Variants in TNFRSF8 observed in about 807,000 individuals in gnomAD.
TNFRSF8 encodes tumor necrosis factor receptor superfamily member 8.
A neutral mutation model predicts 70.8 loss-of-function variants in TNFRSF8; 26 were observed. The ratio of observed to expected loss-of-function variants is 0.37; its 90% confidence interval spans 0.27 to 0.51. TNFRSF8 has a LOEUF of 0.51. TNFRSF8 is among the 20% of genes least tolerant of loss of function. TNFRSF8 has a pLI of 0.94. For synonymous variants in TNFRSF8, 356 were observed against 339.2 expected (o/e 1.05, Z -0.54); for missense variants, 720 against 807.9 (o/e 0.89, Z 1.32).
chr1:12,111,814 G>A, intron 6 of TNFRSF8, 84 bp from the exon 7 acceptor site: 1 of 1,131,164 alleles, frequency 8.8e-7, no homozygotes, highest in South Asian at 1.2e-5. Context: ...GCCACGGTGA[G>A]GGATGGGGGG....
chr1:12,135,543 G>GGGGGGCC, intron 12 of TNFRSF8, 45 bp from the exon 13 acceptor site: 1 of 1,607,982 alleles, frequency 6.2e-7, no homozygotes. Context: ...TGGGGCCGGG[G>GGGGGGCC]GCTGCCAGAC....
chr1:12,133,436 A>G (rs1642087639), intron 12 of TNFRSF8, among the ~76,000 whole-genome samples: 1 of 151,954 alleles, frequency 6.6e-6, no homozygotes, highest in Non-Finnish European at 1.5e-5. Flanking sequence ...AGTTTCACTG[A>G]CGTCATTGAA....
rs1642184785 is a variant in TNFRSF8 at position 12,138,253 on chromosome 1, A to G, written c.1360A>G (p.Thr454Ala). ...GCAGCTGAGGAGTGGTGCGTCGGTG[A>G]CAGAACCCGTCGCGGAAGAGCGAGG... Reference protein sequence around the residue: ...STQLRSGASVTEPVAEERGLM... With the variant: ...STQLRSGASVAEPVAEERGLM... Residue 454 changes from threonine (T) to alanine (A), a missense_variant, in exon 14 of 15, where the codon ACA becomes GCA. Coordinates refer to ENST00000263932, the MANE Select transcript of TNFRSF8 (RefSeq NM_001243.5). The surrounding 1 kb of genome is among the most constrained non-coding windows in gnomAD (Gnocchi z 5.7). The G allele has an allele frequency of 6.2e-7, 1 of 1,613,518 alleles. No homozygotes were observed. The highest frequency in any genetic ancestry group is 8.5e-7 in the Non-Finnish European group (1 of 1,179,910).
At chr1:12,121,626 A>G (rs189580378) in intron 8 of TNFRSF8, among the ~76,000 whole-genome samples, 3 of 152,334 alleles carry the variant, frequency 2.0e-5, no homozygotes, top group Admixed American at 1.3e-4. Context: ...GGCTCTCTCC[A>G]TCTGTAAAAC....
intron 12 of TNFRSF8, among the ~76,000 whole-genome samples, chr1:12,129,698 G>T (rs1642011565): frequency 6.6e-6 from 1 of 152,138 alleles, no homozygotes; most frequent in Admixed American, 6.5e-5. Flanking sequence ...AATGATGCTG[G>T]CCTCTTCTCT....
rs1222186350 is a variant in TNFRSF8, at chr1:12,097,689, T to C, written c.268+472T>C. On this transcript the variant is annotated intron_variant, in intron 3 of 14. Transcript: ENST00000263932. ...ATGACCTTTTATTGTTAGTCTCTTATTATGGTTAGAGAATGCAGTCTGTGT... is the reference window on the plus strand; with the variant it reads ...ATGACCTTTTATTGTTAGTCTCTTACTATGGTTAGAGAATGCAGTCTGTGT... 2.0e-5 allele frequency among the ~76,000 whole-genome samples: 3 copies of C among 152,214 alleles called. No individual in the cohort carries two copies. In the East Asian group the frequency reaches 5.8e-4, roughly 29 times the overall value.
intron 14 of TNFRSF8, among the ~76,000 whole-genome samples, chr1:12,139,569 C>T (rs1248982054): frequency 6.6e-6 from 1 of 152,200 alleles, no homozygotes; most frequent in African/African-American, 2.4e-5. Context: ...CTTCCTCCAC[C>T]TCCACCTGGC....
rs11121866 is a variant in TNFRSF8, at chr1:12,110,519, G to C, written c.676+315G>C. Among the ~76,000 whole-genome samples the C allele has an allele frequency of 0.058, 8,765 of 152,276 alleles. 341 individuals carry two copies. The highest frequency in any genetic ancestry group is 0.08 in the Non-Finnish European group (5,461 of 68,016). ...CCCACTCTGCTGTTGTGACACTTGC[G>C]ACTCAGCTGGCCAGCCTCTGCACGT... is the stretch of plus-strand genomic sequence containing the variant. On this transcript the variant is annotated intron_variant, in intron 6 of 14. Coordinates refer to ENST00000263932, the MANE Select transcript of TNFRSF8 (RefSeq NM_001243.5). This position sits in a 1 kb window ranked among gnomAD's most constrained non-coding sequence, Gnocchi z 4.0.
At chr1:12,107,942 C>A in intron 4 of TNFRSF8, among the ~76,000 whole-genome samples, 1 of 152,040 alleles carries the variant, frequency 6.6e-6, no homozygotes, top group East Asian at 1.9e-4. Context: ...AAATTGCCCG[C>A]GGAGACAGAG....
At chr1:12,116,121 A>C (rs1433698427) in intron 8 of TNFRSF8, among the ~76,000 whole-genome samples, 2 of 152,080 alleles carry the variant, frequency 1.3e-5, no homozygotes, top group Admixed American at 6.6e-5. Context: ...AGCTGGGGTT[A>C]CAAGCATTCG....
At chr1:12,074,383 G>C (rs1291728480) in intron 1 of TNFRSF8, among the ~76,000 whole-genome samples, 1 of 151,600 alleles carries the variant, frequency 6.6e-6, no homozygotes, top group African/African-American at 2.4e-5. Flanking sequence ...GGCTTCAAGA[G>C]ATTCTGCTAC....
chr1:12,082,901 C>T (rs929423064), intron 1 of TNFRSF8, among the ~76,000 whole-genome samples: 1 of 151,858 alleles, frequency 6.6e-6, no homozygotes, highest in African/African-American at 2.4e-5. Context: ...ACTTGCAGTA[C>T]ATATAATCAA....
chr1:12,103,240 T>G (rs1172330583), intron 3 of TNFRSF8, among the ~76,000 whole-genome samples: 1 of 152,024 alleles, frequency 6.6e-6, no homozygotes, highest in Non-Finnish European at 1.5e-5. Context: ...GGTGTGTGCC[T>G]GTAATCCCAG....
chr1:12,126,361 C>T (rs1445007528), intron 12 of TNFRSF8, 125 bp downstream of exon 12: 1 of 1,058,692 alleles, frequency 9.4e-7, no homozygotes, highest in African/African-American at 1.6e-5. Context: ...TCTGTGGCTC[C>T]TGTCGCATTC....
Position 12,111,996 on chromosome 1 carries a change from T to G in TNFRSF8, c.775T>G (p.Cys259Gly), listed in dbSNP as rs1336866272. Residue 259 changes from cysteine (C) to glycine (G), a missense_variant, in exon 7 of 15, where the codon TGC becomes GGC. Physicochemically the swap from Cys to Gly is radical, Grantham distance 159 (BLOSUM62 -3). Transcript: ENST00000263932. ...YLDEAGRCTA[C>G]VSCSRDDLVE... The stretch of plus-strand genomic sequence containing the variant: ...GGACGAGGCCGGCCGCTGCACGGCC[T>G]GCGTGAGCTGTTCTCGAGGTAAGGG... The G allele has an allele frequency of 1.2e-6, 2 of 1,613,962 alleles. No individual in the cohort carries two copies. The highest frequency in any genetic ancestry group is 1.1e-5 in the South Asian group (1 of 91,084).
intron 1 of TNFRSF8, among the ~76,000 whole-genome samples, chr1:12,082,549 C>A (rs1441202288): frequency 3.2e-3 from 381 of 120,934 alleles, no homozygotes; most frequent in Middle Eastern, 4.2e-3. Flanking sequence ...GACCCTGTCT[C>A]AAAAAAAAAA....
rs761175315 is a variant in TNFRSF8 at position 12,121,277 on chromosome 1, A to G, written c.947-2007A>G. Among the ~76,000 whole-genome samples, 14 of 152,244 alleles carry G rather than the reference A, an allele frequency of 9.2e-5. No homozygotes were observed. The South Asian group carries it at 2.1e-3, about 23-fold the overall frequency. ...GAGGGGGGTTCCTCAGAACCCTACA[A>G]TGCAAGAAATAAATTAATCCTGGCT... On this transcript the variant is annotated intron_variant, in intron 8 of 14. Coordinates refer to ENST00000263932, the MANE Select transcript of TNFRSF8 (RefSeq NM_001243.5).
chr1:12,105,947 A>G lies in TNFRSF8; in HGVS notation c.421+1416A>G, dbSNP rs1379644866. Among the ~76,000 whole-genome samples the G allele has an allele frequency of 2.6e-5, 4 of 151,830 alleles. No homozygotes were observed. The East Asian group carries it at 7.7e-4, about 29-fold the overall frequency. ...AGAGCAAGACTCCGTCTCAAAAAAA[A>G]AAAAAAAAAAAGAAAACTCCAGGGA... On this transcript the variant is annotated intron_variant, in intron 4 of 14. Coordinates refer to ENST00000263932, the MANE Select transcript of TNFRSF8 (RefSeq NM_001243.5).
intron 12 of TNFRSF8, among the ~76,000 whole-genome samples, chr1:12,133,096 C>T (rs1235351938): frequency 6.6e-6 from 1 of 152,090 alleles, no homozygotes; most frequent in Non-Finnish European, 1.5e-5. Flanking sequence ...TTATTATAAA[C>T]CCGCTGCTGT....
Sources: allele counts gnomAD v4.1 joint callset (sites outside exome capture counted in the v4.1 genomes callset), GRCh38; gene constraint gnomAD v4.1.1; non-coding constraint Gnocchi (gnomAD v3.1); transcripts MANE v1.5; gene names NCBI Gene and HGNC (gene_info 2026-07-23, HGNC 2026-07-21).